Variants in PTCHD1 observed in about 807,000 individuals in gnomAD.
PTCHD1 encodes the protein patched domain-containing protein 1.
PTCHD1 carries 3 observed loss-of-function variants against 34.6 expected under a neutral mutation model. That is an observed-to-expected ratio of 0.09 (90% CI 0.04 to 0.22). PTCHD1 has a LOEUF of 0.22. Among genes scored for constraint, PTCHD1 ranks in the 10% least tolerant of loss-of-function variants. The pLI is 1.00. For synonymous variants in PTCHD1, 305 were observed against 283.1 expected, an observed-to-expected ratio of 1.08 and a Z score of -0.77; for missense variants, 504 against 685.5, an observed-to-expected ratio of 0.74 and a Z score of 2.96.
rs754993888 is a variant in PTCHD1 at position 23,398,447 on chromosome X, C to T, written c.*4262C>T. On this transcript the variant is annotated 3_prime_UTR_variant, in exon 3 of 3. Coordinates refer to ENST00000379361, the MANE Select transcript of PTCHD1 (RefSeq NM_173495.3). ...ATCATACTATGATCTTTGAAAAAAA[C>T]AGATACAGGCACTTGCTTTTGGGGA... The T allele has an allele frequency of 9.0e-6, 1 of 111,143 alleles. No homozygotes were observed. The highest frequency in any genetic ancestry group is 3.3e-5 in the African/African-American group (1 of 30,577). 9.2% of individuals were successfully genotyped at this position (111,143 alleles called of 1,213,427 possible). A position where few individuals can be genotyped will look rare whatever the true frequency, so the allele number is the denominator to read the frequency against.
At chrX:23,341,790 A>G (rs1280292755) in intron 1 of PTCHD1, among the ~76,000 whole-genome samples, 1 of 112,655 alleles carries the variant, frequency 8.9e-6, no homozygotes, top group Non-Finnish European at 1.9e-5. Flanking sequence ...CAACTTCTGA[A>G]TTCATATTTT....
intron 1 of PTCHD1, among the ~76,000 whole-genome samples, chrX:23,350,246 T>C (rs1354607926): frequency 9.0e-6 from 1 of 110,731 alleles, no homozygotes; most frequent in African/African-American, 3.3e-5. Context: ...TCAAATCTAT[T>C]TGAGATGAAT....
In PTCHD1 at chrX:23,358,738, A is replaced by G. The variant is rs1044265013; in HGVS notation, c.352-20853A>G. Reference sequence around the variant, plus strand: ...GTCCTTGCCCATGCCTATGTCCTGCATGGTATTACCTAAGTTTTCTTCAAG... The same window carrying G: ...GTCCTTGCCCATGCCTATGTCCTGCGTGGTATTACCTAAGTTTTCTTCAAG... On this transcript the variant is annotated intron_variant, in intron 1 of 2. Transcript: ENST00000379361. Among the ~76,000 whole-genome samples the G allele has an allele frequency of 2.7e-5, 3 of 112,242 alleles. No homozygotes were observed. The South Asian group carries it at 1.1e-3, about 41-fold the overall frequency.
At chrX:23,342,304 ATATATATTTTT>A (rs1447194822) in intron 1 of PTCHD1, among the ~76,000 whole-genome samples, 2 of 10,062 alleles carry the variant, frequency 2.0e-4, no homozygotes, top group Non-Finnish European at 2.6e-4. Flanking sequence ...ATATATATAT[ATATATATTTTT>A]TTTTTTTTTT....
intron 1 of PTCHD1, among the ~76,000 whole-genome samples, chrX:23,348,009 C>CA (rs201923776): frequency 0.058 from 6,296 of 108,936 alleles, 499 homozygotes; most frequent in African/African-American, 0.2. Context: ...GATCCTGTCT[C>CA]AAAAAAAATA....
intron 1 of PTCHD1, among the ~76,000 whole-genome samples, chrX:23,370,108 T>C (rs5926300): frequency 0.36 from 40,228 of 111,124 alleles, 5,429 homozygotes; most frequent in African/African-American, 0.4. Flanking sequence ...TCAGAGACTG[T>C]ACAGAGCAAT....
chrX:23,359,427 A>C (rs1006425565), intron 1 of PTCHD1, among the ~76,000 whole-genome samples: 1 of 111,556 alleles, frequency 9.0e-6, no homozygotes, highest in African/African-American at 3.3e-5. Context: ...ATGGGAGTTC[A>C]CTCATGATTT....
At chrX:23,362,785 A>C (rs1321343780) in intron 1 of PTCHD1, among the ~76,000 whole-genome samples, 2 of 111,568 alleles carry the variant, frequency 1.8e-5, no homozygotes, top group Non-Finnish European at 3.8e-5. Context: ...TTGGTCTTTG[A>C]TGTTGGTGAC....
Position 23,380,268 on chromosome X carries a change from T to C in PTCHD1, c.1012+17T>C. ...TCATGCTAGGTAATTACTACTCTTC[T>C]TTCTTCTGTTTCCGCCTGCTGGTGG... On this transcript the variant is annotated intron_variant, in intron 2 of 2. Transcript: ENST00000379361. 4.2e-6 allele frequency: 5 copies of C among 1,190,653 alleles called. No homozygotes were observed. The highest frequency in any genetic ancestry group is 3.4e-6 in the Non-Finnish European group (3 of 877,784).
intron 1 of PTCHD1, among the ~76,000 whole-genome samples, chrX:23,337,529 T>A (rs910065170): frequency 1.4e-4 from 16 of 110,576 alleles, no homozygotes; most frequent in South Asian, 7.9e-4. Flanking sequence ...TTTTTTTTTT[T>A]AATTTTTTTC....
At chrX:23,384,244 T>C (rs932573303) in intron 2 of PTCHD1, among the ~76,000 whole-genome samples, 5 of 112,358 alleles carry the variant, frequency 4.5e-5, no homozygotes, top group Middle Eastern at 4.6e-3. Flanking sequence ...TTATAAAGGT[T>C]GCTTTGCATT....
rs776163356 is a variant in PTCHD1, at chrX:23,350,977, T to C, written c.351+15751T>C. ...CTTACCAGAGCCTACTGGATTCCCA[T>C]GAAAATGGAATCCATATTTTCATGG... is the stretch of plus-strand genomic sequence containing the variant. On this transcript the variant is annotated intron_variant, in intron 1 of 2. Transcript: ENST00000379361. 12 of 207,704 alleles carry C rather than the reference T, an allele frequency of 5.8e-5. No homozygotes were observed. The South Asian group carries it at 8.8e-4, about 15-fold the overall frequency. 17.1% of individuals were successfully genotyped at this position (207,704 alleles called of 1,213,427 possible).
At chrX:23,392,097 A>C (rs1313128153) in intron 2 of PTCHD1, among the ~76,000 whole-genome samples, 3 of 20,594 alleles carry the variant, frequency 1.5e-4, no homozygotes, top group African/African-American at 2.0e-3. Flanking sequence ...TTTTTGAGAG[A>C]TGAGGTCTCG....
At chrX:23,342,310 A>ATT (rs1174366015) in intron 1 of PTCHD1, among the ~76,000 whole-genome samples, 46 of 12,921 alleles carry the variant, frequency 3.6e-3, no homozygotes, top group South Asian at 6.1e-3. Flanking sequence ...ATATATATAT[A>ATT]TTTTTTTTTT....
intron 1 of PTCHD1, among the ~76,000 whole-genome samples, chrX:23,365,781 T>G (rs1922124592): frequency 8.9e-6 from 1 of 112,018 alleles, no homozygotes; most frequent in African/African-American, 3.2e-5. Context: ...GGTGCTGGCA[T>G]TTGAAGTCGG....
intron 1 of PTCHD1, among the ~76,000 whole-genome samples, chrX:23,341,139 G>A (rs1323806103): frequency 8.9e-6 from 1 of 112,005 alleles, no homozygotes; most frequent in Non-Finnish European, 1.9e-5. Context: ...GACAAACTTT[G>A]ATTAAACTGA....
intron 2 of PTCHD1, among the ~76,000 whole-genome samples, chrX:23,380,643 T>C (rs1047650052): frequency 2.7e-5 from 3 of 111,365 alleles, no homozygotes; most frequent in African/African-American, 9.8e-5. Flanking sequence ...GAAGTGGAAG[T>C]TGAAGGCACT....
At chrX:23,350,998 C>G in intron 1 of PTCHD1, 1 of 257,682 alleles carries the variant, frequency 3.9e-6, no homozygotes, top group Non-Finnish European at 7.0e-6. Flanking sequence ...TCCATATTTT[C>G]ATGGGAATCC....
intron 1 of PTCHD1, among the ~76,000 whole-genome samples, chrX:23,378,525 A>T (rs963340193): frequency 5.3e-5 from 6 of 112,166 alleles, no homozygotes; most frequent in Admixed American, 9.4e-5. Flanking sequence ...ATTAGTTGCT[A>T]ACAAGAACCT....
Sources: allele counts gnomAD v4.1 joint callset (sites outside exome capture counted in the v4.1 genomes callset), GRCh38; gene constraint gnomAD v4.1.1; transcripts MANE v1.5; gene names NCBI Gene and HGNC (gene_info 2026-07-23, HGNC 2026-07-21).